TRPM3: variants seen among roughly 807,000 people sequenced by gnomAD.
The protein encoded by TRPM3 is long transient receptor potential channel 3.
A neutral mutation model predicts 181.2 loss-of-function variants in TRPM3; 77 were observed. The ratio of observed to expected loss-of-function variants is 0.42; its 90% CI spans 0.35 to 0.51. The LOEUF (loss-of-function observed/expected upper bound fraction) is 0.51, where lower values mean the gene tolerates loss of function less well. Ranked by LOEUF, TRPM3 falls within the 20% of genes least tolerant of loss-of-function variation. TRPM3 has a pLI of 0.01. For missense variants in TRPM3, 1,759 were observed against 2,196.7 expected (o/e 0.80, Z 3.98); for synonymous variants, 745 against 796.4 (o/e 0.94, Z 1.09).
At chr9:71,075,714 G>T (rs143534533) in intron 1 of TRPM3, among the ~76,000 whole-genome samples, 2 of 152,186 alleles carry the variant, frequency 1.3e-5, no homozygotes, top group African/African-American at 4.8e-5. Flanking sequence ...TAATATTTGC[G>T]CAAAAGTAAA....
At chr9:71,252,006 C>T (rs1483045102) in intron 1 of TRPM3, among the ~76,000 whole-genome samples, 1 of 152,144 alleles carries the variant, frequency 6.6e-6, no homozygotes. Flanking sequence ...ACTTCCAGTT[C>T]CATCCGTGTT....
intron 7 of TRPM3, among the ~76,000 whole-genome samples, chr9:70,781,723 T>A (rs1028068334): frequency 6.6e-6 from 1 of 152,064 alleles, no homozygotes; most frequent in Non-Finnish European, 1.5e-5. Context: ...ATTTAAATAA[T>A]CTTAATTTAA....
chr9:70,669,398 T>A (rs1205387320), intron 9 of TRPM3, among the ~76,000 whole-genome samples: 1 of 152,214 alleles, frequency 6.6e-6, no homozygotes. Flanking sequence ...TAAGTCTACA[T>A]GTTACAGCTT....
intron 1 of TRPM3, among the ~76,000 whole-genome samples, chr9:71,098,190 A>T (rs1257412340): frequency 6.6e-6 from 1 of 152,124 alleles, no homozygotes; most frequent in Non-Finnish European, 1.5e-5. Flanking sequence ...TACTACTGAC[A>T]CAACCCCAAA....
intron 1 of TRPM3, among the ~76,000 whole-genome samples, chr9:71,242,443 C>T (rs981035848): frequency 6.6e-6 from 1 of 152,172 alleles, no homozygotes; most frequent in Non-Finnish European, 1.5e-5. Context: ...TTAGGCTTGA[C>T]TTCTGTTAAC....
intron 1 of TRPM3, among the ~76,000 whole-genome samples, chr9:71,105,551 A>G (rs2069321663): frequency 2.0e-5 from 3 of 152,072 alleles, no homozygotes; most frequent in Non-Finnish European, 4.4e-5. Flanking sequence ...ACTGTAAGCT[A>G]TGGGGTGGTC....
intron 1 of TRPM3, among the ~76,000 whole-genome samples, chr9:71,303,810 T>C (rs978256869): frequency 6.6e-6 from 1 of 152,170 alleles, no homozygotes; most frequent in African/African-American, 2.4e-5. Flanking sequence ...AATAGGTTTT[T>C]AATAGAAATA....
intron 1 of TRPM3, among the ~76,000 whole-genome samples, chr9:70,880,164 T>C (rs1417373327): frequency 1.3e-5 from 2 of 152,174 alleles, no homozygotes; most frequent in Non-Finnish European, 2.9e-5. Context: ...AAAAAAATCT[T>C]AGGAAAGCTC....
At chr9:71,289,389 G>A (rs1038662011) in intron 1 of TRPM3, among the ~76,000 whole-genome samples, 9 of 152,074 alleles carry the variant, frequency 5.9e-5, no homozygotes, top group African/African-American at 2.2e-4. Flanking sequence ...CTCCATAAAT[G>A]CATTGAACAG....
chr9:71,216,987 G>T lies in TRPM3; in HGVS notation c.183+229666C>A, dbSNP rs1167479420. 3.6e-3 allele frequency among the ~76,000 whole-genome samples: 393 copies of T among 108,440 alleles called. 4 individuals carry two copies. Among genetic ancestry groups the T allele is most frequent in the African/African-American group, 0.014 (379 of 27,610 alleles). The allele number at this position is 108,440 out of a possible 152,430, so 71.1% of individuals were successfully genotyped here. On this transcript the variant is annotated intron_variant, in intron 1 of 24. Transcript: ENST00000357533. Reference sequence around the variant, plus strand: ...TTTTTTTGAGACGGAGTCTCGCTCTGTCGCCCAGGCTGGAGTGCAGTGGCG... The same window carrying T: ...TTTTTTTGAGACGGAGTCTCGCTCTTTCGCCCAGGCTGGAGTGCAGTGGCG...
At chr9:71,311,691 G>A (rs879340901) in intron 1 of TRPM3, among the ~76,000 whole-genome samples, 1 of 151,818 alleles carries the variant, frequency 6.6e-6, no homozygotes, top group African/African-American at 2.4e-5. Context: ...AAAAAATCTA[G>A]ATCAGAGGTG....
At chr9:70,804,528 C>A (rs2090163281) in intron 6 of TRPM3, among the ~76,000 whole-genome samples, 1 of 152,150 alleles carries the variant, frequency 6.6e-6, no homozygotes, top group Non-Finnish European at 1.5e-5. Context: ...TACAAACTTA[C>A]AAGGGTTAAA....
chr9:71,192,398 G>T (rs1172677929), intron 1 of TRPM3, among the ~76,000 whole-genome samples: 1 of 151,762 alleles, frequency 6.6e-6, no homozygotes, highest in Non-Finnish European at 1.5e-5. Context: ...ATTTTTAAGA[G>T]AATTTATGAC....
intron 1 of TRPM3, among the ~76,000 whole-genome samples, chr9:71,009,829 C>T (rs1350402209): frequency 3.3e-5 from 5 of 152,148 alleles, no homozygotes; most frequent in Admixed American, 1.3e-4. Context: ...CTTCCAAATA[C>T]ATTACAAAGC....
At position 70,529,235 on chromosome 9, in the gene TRPM3, A is replaced by G. The variant is rs1265036281; in HGVS notation, c.*6718T>C. Reference sequence around the variant, plus strand: ...ACCTTTAAAAAAGAACAATTCTTCTAAGGATTTATATATATTTATAGTGTC... The same window carrying G: ...ACCTTTAAAAAAGAACAATTCTTCTGAGGATTTATATATATTTATAGTGTC... On this transcript the variant is annotated 3_prime_UTR_variant, in exon 26 of 26. Coordinates refer to ENST00000677713, the MANE Select transcript of TRPM3 (RefSeq NM_001366145.2). The G allele has an allele frequency of 6.6e-6, 1 of 152,196 alleles. No individual in the cohort carries two copies. Among genetic ancestry groups the G allele is most frequent in the Non-Finnish European group, 1.5e-5 (1 of 68,030 alleles). 9.4% of individuals were successfully genotyped at this position (152,196 alleles called of 1,614,324 possible).
chr9:70,996,814 G>A (rs1407778605), intron 1 of TRPM3, among the ~76,000 whole-genome samples: 1 of 152,118 alleles, frequency 6.6e-6, no homozygotes, highest in Non-Finnish European at 1.5e-5. Flanking sequence ...CTAGAAATGT[G>A]GATTAAAATT....
chr9:71,168,559 TA>T (rs2076660792), intron 1 of TRPM3, among the ~76,000 whole-genome samples: 6 of 105,644 alleles, frequency 5.7e-5, no homozygotes, highest in East Asian at 2.9e-4. Flanking sequence ...TTTATTTATT[TA>T]TTTATTTATT....
intron 6 of TRPM3, chr9:70,825,084 T>C (rs2093467068): frequency 6.6e-6 from 1 of 152,162 alleles, no homozygotes; most frequent in Non-Finnish European, 1.5e-5. Flanking sequence ...TATGAGTCAC[T>C]CTCTTGTAGG....
At chr9:71,290,322 A>G (rs2085698073) in intron 1 of TRPM3, among the ~76,000 whole-genome samples, 1 of 152,110 alleles carries the variant, frequency 6.6e-6, no homozygotes, top group Non-Finnish European at 1.5e-5. Context: ...TACCAAAAAA[A>G]GAAAGATATT....
Sources: allele counts gnomAD v4.1 joint callset (sites outside exome capture counted in the v4.1 genomes callset), GRCh38; gene constraint gnomAD v4.1.1; transcripts MANE v1.5; gene names NCBI Gene and HGNC (gene_info 2026-07-23, HGNC 2026-07-21).